RIMS2: variants seen among roughly 807,000 people sequenced by gnomAD.
RIMS2 encodes the protein regulating synaptic membrane exocytosis 2, also known as regulating synaptic membrane exocytosis protein 2.
In RIMS2, 59 loss-of-function variants were observed where a neutral mutation model predicts 174.4. That is an observed-to-expected ratio of 0.34 (90% CI 0.27 to 0.42). The LOEUF (loss-of-function observed/expected upper bound fraction) is 0.42. Among genes scored for constraint, RIMS2 ranks in the 10% least tolerant of loss-of-function variants. The probability of loss-of-function intolerance (pLI) is 1.00; values close to 1 mark genes in which losing one functional copy is unlikely to be tolerated. For missense variants in RIMS2, 1,620 were observed against 1,666.3 expected (o/e 0.97, Z 0.48); for synonymous variants, 606 against 572.5 (o/e 1.06, Z -0.84).
At chr8:103,735,684 T>C (rs943469864) in intron 2 of RIMS2, among the ~76,000 whole-genome samples, 2 of 152,202 alleles carry the variant, frequency 1.3e-5, no homozygotes, top group African/African-American at 4.8e-5. Context: ...TCTTGGAATA[T>C]TTGGCCTGGG....
intron 13 of RIMS2, among the ~76,000 whole-genome samples, chr8:103,938,484 C>T (rs1454205592): frequency 2.0e-5 from 3 of 152,224 alleles, no homozygotes; most frequent in Admixed American, 6.5e-5. Flanking sequence ...CTGGGTCCTT[C>T]CCACGACACA....
intron 2 of RIMS2, among the ~76,000 whole-genome samples, chr8:103,758,437 T>A (rs1336234437): frequency 6.6e-6 from 1 of 152,222 alleles, no homozygotes; most frequent in Non-Finnish European, 1.5e-5. Flanking sequence ...GTGTCCCACT[T>A]GCCCAAGCCT....
chr8:104,060,620 T>C (rs1329530749), intron 19 of RIMS2, among the ~76,000 whole-genome samples: 1 of 152,024 alleles, frequency 6.6e-6, no homozygotes, highest in Non-Finnish European at 1.5e-5. Flanking sequence ...AGCTTTTGAA[T>C]GTGTTTGCTC....
At chr8:103,502,580 A>G (rs557348984) in intron 1 of RIMS2, among the ~76,000 whole-genome samples, 31 of 152,276 alleles carry the variant, frequency 2.0e-4, no homozygotes, top group African/African-American at 6.5e-4. Context: ...TCTAACTAAT[A>G]GAAGAATAAA....
rs1315614925 is a variant in RIMS2, at chr8:103,606,830, C to CT, written c.177-90249dup. 1.4e-3 allele frequency among the ~76,000 whole-genome samples: 211 copies of CT among 151,244 alleles called. 4 individuals are homozygous for CT. In the East Asian group the frequency reaches 0.038, roughly 27 times the overall value. ...CAGAGACTAGGATTGCAACCCCTGCCTTTTTTTGTTTTCCATTTGCTTGGT... is the reference window on the plus strand; with the variant it reads ...CAGAGACTAGGATTGCAACCCCTGCCTTTTTTTTGTTTTCCATTTGCTTGGT... On this transcript the variant is annotated intron_variant, in intron 1 of 23. Coordinates refer to ENST00000504942, the Ensembl canonical transcript of RIMS2.
At chr8:103,881,156 T>C (rs1042554185) in intron 3 of RIMS2, among the ~76,000 whole-genome samples, 1 of 151,518 alleles carries the variant, frequency 6.6e-6, no homozygotes, top group African/African-American at 2.4e-5. Context: ...AATATAAAAT[T>C]TGAATTTACA....
At chr8:104,142,366 T>C (rs2098591333) in intron 19 of RIMS2, among the ~76,000 whole-genome samples, 1 of 152,170 alleles carries the variant, frequency 6.6e-6, no homozygotes, top group East Asian at 1.9e-4. Flanking sequence ...TCACCCCAGG[T>C]GGTCCACCCG....
intron 3 of RIMS2, among the ~76,000 whole-genome samples, chr8:103,884,659 C>A (rs909198387): frequency 6.6e-6 from 1 of 151,668 alleles, no homozygotes; most frequent in African/African-American, 2.4e-5. Flanking sequence ...TTTCTGATTT[C>A]TAGGATTTTT....
In RIMS2 at chr8:103,662,385, G is replaced by C. The variant is rs2096612067; in HGVS notation, c.177-34701G>C. ...TAAATTTACACAAATTGTAAAAAAT[G>C]TAAATATTGTTATCAGAGTTTTTTC... On this transcript the variant is annotated intron_variant, in intron 1 of 23. Coordinates refer to ENST00000504942, the Ensembl canonical transcript of RIMS2. Among the ~76,000 whole-genome samples the C allele has an allele frequency of 2.6e-5, 4 of 152,172 alleles. 1 individual carries two copies. The South Asian group carries it at 8.3e-4, about 32-fold the overall frequency.
chr8:103,870,524 T>C (rs2099106209), intron 3 of RIMS2, among the ~76,000 whole-genome samples: 1 of 152,216 alleles, frequency 6.6e-6, no homozygotes, highest in Non-Finnish European at 1.5e-5. Flanking sequence ...TTATTAGTGA[T>C]GGGAAAACAC....
In RIMS2 at chr8:104,146,672, T is replaced by C. The variant is rs187178716; in HGVS notation, c.3335-98244T>C. Among the ~76,000 whole-genome samples, 7 of 152,294 alleles carry C rather than the reference T, an allele frequency of 4.6e-5. No homozygotes were observed. The East Asian group carries it at 9.6e-4, about 21-fold the overall frequency. Reference sequence around the variant, plus strand: ...TGGTAATTAGTAGATTAGGTGGTTCTTTAGAAGAGTATATGTTTTGAATAA... The same window carrying C: ...TGGTAATTAGTAGATTAGGTGGTTCCTTAGAAGAGTATATGTTTTGAATAA... On this transcript the variant is annotated intron_variant, in intron 19 of 23. Coordinates refer to ENST00000504942, the Ensembl canonical transcript of RIMS2.
intron 19 of RIMS2, among the ~76,000 whole-genome samples, chr8:104,186,435 T>G (rs1266748827): frequency 6.6e-6 from 1 of 151,812 alleles, no homozygotes; most frequent in Non-Finnish European, 1.5e-5. Context: ...AATTTATTGT[T>G]TTATTCCTAA....
At chr8:103,748,613 T>TTGAAATGA in intron 2 of RIMS2, among the ~76,000 whole-genome samples, 1 of 152,284 alleles carries the variant, frequency 6.6e-6, no homozygotes, top group Non-Finnish European at 1.5e-5. Flanking sequence ...ATTTCATTAC[T>TTGAAATGA]ATTTCACCAT....
chr8:104,249,465 T>A, intron 21 of RIMS2, 22 bp from the exon 28 acceptor site: 1 of 1,336,588 alleles, frequency 7.5e-7, no homozygotes, highest in South Asian at 1.2e-5. Context: ...AAAGCACATT[T>A]GTTCCTTCCT....
At chr8:104,157,772 C>T (rs1195627039) in intron 19 of RIMS2, among the ~76,000 whole-genome samples, 1 of 152,140 alleles carries the variant, frequency 6.6e-6, no homozygotes, top group Admixed American at 6.5e-5. Context: ...AATAATGCTA[C>T]TATGTATATG....
intron 1 of RIMS2, among the ~76,000 whole-genome samples, chr8:103,680,790 T>C (rs927652822): frequency 1.3e-5 from 2 of 151,904 alleles, no homozygotes; most frequent in African/African-American, 4.8e-5. Flanking sequence ...CATCAATTAA[T>C]ACCTATCAAA....
At chr8:103,788,745 A>G (rs1037923107) in intron 3 of RIMS2, among the ~76,000 whole-genome samples, 1 of 152,162 alleles carries the variant, frequency 6.6e-6, no homozygotes, top group Non-Finnish European at 1.5e-5. Flanking sequence ...CCCTGCCCCC[A>G]GAGGTGGAGC....
chr8:104,051,590 A>G (rs1196724812), intron 19 of RIMS2, among the ~76,000 whole-genome samples: 2 of 152,168 alleles, frequency 1.3e-5, no homozygotes, highest in Non-Finnish European at 2.9e-5. Context: ...GCTCAAAAAG[A>G]AAAGGGAGAA....
At chr8:103,548,693 A>G (rs1170004681) in intron 1 of RIMS2, among the ~76,000 whole-genome samples, 1 of 152,156 alleles carries the variant, frequency 6.6e-6, no homozygotes, top group Non-Finnish European at 1.5e-5. Context: ...AGAAAGAAAT[A>G]AAATGCATTT....
Sources: gnomAD v4.1 joint callset for allele counts (sites outside exome capture counted in the v4.1 genomes callset) on GRCh38, gnomAD v4.1.1 for gene constraint, MANE v1.5 for transcripts, NCBI Gene and HGNC (gene_info 2026-07-23, HGNC 2026-07-21) for gene names.